PPFIA2: variants seen among roughly 807,000 people sequenced by gnomAD.
PPFIA2 encodes PPFI scaffold protein A2.
Under a neutral mutation model 175.5 loss-of-function variants are expected in PPFIA2, and 46 were observed. The ratio of observed to expected loss-of-function variants is 0.26; its 90% confidence interval spans 0.21 to 0.34. The LOEUF is 0.34. PPFIA2 is among the 10% of genes least tolerant of loss of function. The probability of loss-of-function intolerance (pLI) is 1.00; values close to 1 mark genes in which losing one functional copy is unlikely to be tolerated. For missense variants in PPFIA2, 1,179 were observed against 1,506.1 expected (o/e 0.78, Z 3.60); for synonymous variants, 568 against 511.4 (o/e 1.11, Z -1.49).
chr12:81,541,429 G>GT (rs2066193986), intron 4 of PPFIA2, among the ~76,000 whole-genome samples: 1 of 152,094 alleles, frequency 6.6e-6, no homozygotes, highest in Admixed American at 6.6e-5. Context: ...CATGAGAGGA[G>GT]TTGTCTTCTG....
At chr12:81,630,105 G>GA (rs1194424254) in intron 4 of PPFIA2, among the ~76,000 whole-genome samples, 1 of 152,158 alleles carries the variant, frequency 6.6e-6, no homozygotes, top group Non-Finnish European at 1.5e-5. Flanking sequence ...CTTGCAGTTG[G>GA]AAAAGGCAAA....
intron 4 of PPFIA2, among the ~76,000 whole-genome samples, chr12:81,626,023 A>C (rs7295977): frequency 0.064 from 9,650 of 151,614 alleles, 425 homozygotes; most frequent in East Asian, 0.25. Context: ...GGGCTCTACT[A>C]AGTTGACAGA....
chr12:81,525,263 T>C (rs2063604056), intron 4 of PPFIA2, among the ~76,000 whole-genome samples: 1 of 152,194 alleles, frequency 6.6e-6, no homozygotes, highest in South Asian at 2.1e-4. Context: ...CCCTCTTATG[T>C]TACAGAACTT....
At chr12:81,518,114 C>T (rs1310452579) in intron 4 of PPFIA2, among the ~76,000 whole-genome samples, 1 of 152,056 alleles carries the variant, frequency 6.6e-6, no homozygotes, top group Non-Finnish European at 1.5e-5. Context: ...AAAAACAAAA[C>T]ATACACACAA....
At chr12:81,569,176 C>A (rs2071969745) in intron 4 of PPFIA2, among the ~76,000 whole-genome samples, 1 of 152,068 alleles carries the variant, frequency 6.6e-6, no homozygotes, top group African/African-American at 2.4e-5. Flanking sequence ...TAGCTTCTTT[C>A]TATGTGTTCA....
rs772218305 is a variant in PPFIA2, at chr12:81,339,348, A to G, written c.2394-14T>C. Reference sequence around the variant, plus strand: ...ACAGATAAACTACTGCAAAACACAAAAGAGGAAAATACATGCAACATCCAC... The same window carrying G: ...ACAGATAAACTACTGCAAAACACAAGAGAGGAAAATACATGCAACATCCAC... On this transcript the variant is annotated splice_polypyrimidine_tract_variant and intron_variant, in intron 20 of 32. Transcript: ENST00000549396. The G allele has an allele frequency of 6.4e-7, 1 of 1,553,172 alleles. No individual in the cohort carries two copies. Among genetic ancestry groups the G allele is most frequent in the Admixed American group, 2.1e-5 (1 of 48,622 alleles).
chr12:81,620,159 CAAAAAAAA>C (rs376856927), intron 4 of PPFIA2, among the ~76,000 whole-genome samples: 2 of 54,614 alleles, frequency 3.7e-5, no homozygotes, highest in African/African-American at 1.6e-4. Context: ...CACTCCTTCT[CAAAAAAAA>C]AAAAAAAAAA....
chr12:81,676,052 A>C (rs2072447067), intron 4 of PPFIA2, among the ~76,000 whole-genome samples: 1 of 152,102 alleles, frequency 6.6e-6, no homozygotes, highest in Admixed American at 6.6e-5. Context: ...AAGAACAGCT[A>C]AAAAGTGATA....
chr12:81,546,364 T>G (rs917887021), intron 4 of PPFIA2: 1 of 152,138 alleles, frequency 6.6e-6, no homozygotes, highest in Non-Finnish European at 1.5e-5. Context: ...ATGGGGTCTT[T>G]CCAGCCCAGT....
intron 7 of PPFIA2, among the ~76,000 whole-genome samples, chr12:81,413,747 CGTT>C (rs1315710104): frequency 6.6e-5 from 10 of 151,814 alleles, no homozygotes; most frequent in African/African-American, 2.4e-4. Flanking sequence ...TAGAATGAAT[CGTT>C]GTTTGTGGAC....
chr12:81,508,521 CAAAAAA>C (rs544893385), intron 4 of PPFIA2, among the ~76,000 whole-genome samples: 1 of 44,812 alleles, frequency 2.2e-5, no homozygotes, highest in Non-Finnish European at 4.2e-5. Flanking sequence ...AATTCCACCT[CAAAAAA>C]AAAAAAAAAA....
At chr12:81,273,119 C>G (rs191139247) in intron 28 of PPFIA2, among the ~76,000 whole-genome samples, 2 of 152,086 alleles carry the variant, frequency 1.3e-5, no homozygotes, top group Admixed American at 6.5e-5. Flanking sequence ...CAACAGTTCT[C>G]TTTCTAGATT....
chr12:81,299,396 C>A lies in PPFIA2; in HGVS notation c.2643-14G>T, dbSNP rs1270494919. 5 of 1,568,438 alleles carry A rather than the reference C, an allele frequency of 3.2e-6. No homozygotes were observed. The highest frequency in any genetic ancestry group is 1.4e-5 in the African/African-American group (1 of 73,900). On this transcript the variant is annotated splice_polypyrimidine_tract_variant and intron_variant, in intron 22 of 32. Transcript: ENST00000549396. ...AGAAGTTCATGCCTGAAGTATATAG[C>A]AAAGATTATTAGGCAGGTATATGGA...
chr12:81,462,254 C>CATATAT lies in PPFIA2; in HGVS notation c.304-4394_304-4389dup, dbSNP rs71871906. Among the ~76,000 whole-genome samples, 621 of 132,840 alleles carry CATATAT rather than the reference C, an allele frequency of 4.7e-3. 4 individuals carry two copies. The East Asian group carries it at 0.047, about 10-fold the overall frequency. The allele number at this position is 132,840 out of a possible 152,430, so 87.1% of individuals were successfully genotyped here. A position where few individuals can be genotyped will look rare whatever the true frequency, so the allele number is the denominator to read the frequency against. ...ATTATTGTCTGCCATGCTTTTCTAA[C>CATATAT]ATATATATATATATATATATATGTT... On this transcript the variant is annotated intron_variant, in intron 4 of 32. Transcript: ENST00000549396.
chr12:81,660,449 G>A (rs560485228), intron 4 of PPFIA2, among the ~76,000 whole-genome samples: 16 of 152,142 alleles, frequency 1.1e-4, no homozygotes, highest in Non-Finnish European at 2.4e-4. Flanking sequence ...GGGTATCAGC[G>A]ATGGAAGATG....
chr12:81,595,655 C>T (rs2059165646), intron 4 of PPFIA2, among the ~76,000 whole-genome samples: 1 of 152,098 alleles, frequency 6.6e-6, no homozygotes, highest in Non-Finnish European at 1.5e-5. Flanking sequence ...ATGTGTTTGT[C>T]TAAATTAAAG....
intron 4 of PPFIA2, among the ~76,000 whole-genome samples, chr12:81,669,547 GA>G (rs746092274): frequency 6.6e-6 from 1 of 151,980 alleles, no homozygotes; most frequent in African/African-American, 2.4e-5. Flanking sequence ...TATAGGATCA[GA>G]AAAAATAATA....
chr12:81,714,783 T>C (rs2078382361), intron 3 of PPFIA2, among the ~76,000 whole-genome samples: 2 of 151,186 alleles, frequency 1.3e-5, no homozygotes, highest in Admixed American at 6.8e-5. Context: ...CATGGAGATA[T>C]TGTACTTTAA....
chr12:81,564,346 C>T (rs939042092), intron 4 of PPFIA2, among the ~76,000 whole-genome samples: 1 of 152,182 alleles, frequency 6.6e-6, no homozygotes, highest in Non-Finnish European at 1.5e-5. Flanking sequence ...GGAATTGATG[C>T]TCTGGGAGAC....
Sources: allele counts gnomAD v4.1 joint callset (sites outside exome capture counted in the v4.1 genomes callset), GRCh38; gene constraint gnomAD v4.1.1; transcripts MANE v1.5; gene names NCBI Gene and HGNC (gene_info 2026-07-23, HGNC 2026-07-21).